Variants in ESRRB observed in about 807,000 individuals in gnomAD.
ESRRB encodes the protein estrogen related receptor beta.
Under a neutral mutation model 46.0 loss-of-function variants are expected in ESRRB, and 16 were observed. That is an observed-to-expected ratio of 0.35 (90% CI 0.24 to 0.53). The LOEUF is 0.53. Ranked by LOEUF, ESRRB falls within the 20% of genes least tolerant of loss-of-function variation. The pLI, the probability that ESRRB is intolerant of heterozygous loss-of-function variation, is 0.93. For synonymous variants in ESRRB, 246 were observed against 259.6 expected (o/e 0.95, Z 0.50); for missense variants, 488 against 607.4 (o/e 0.80, Z 2.07).
At chr14:76,451,841 C>T (rs1888395415) in intron 2 of ESRRB, among the ~76,000 whole-genome samples, 1 of 144,804 alleles carries the variant, frequency 6.9e-6, no homozygotes. Context: ...CTGTGTTGGC[C>T]AGGCTGATCT....
chr14:76,409,602 G>T (rs1639654839), intron 1 of ESRRB, among the ~76,000 whole-genome samples: 1 of 137,362 alleles, frequency 7.3e-6, no homozygotes, highest in African/African-American at 2.6e-5. Flanking sequence ...GTGGGCTTTT[G>T]CATGTGGGGT....
intron 3 of ESRRB, among the ~76,000 whole-genome samples, chr14:76,472,489 CTT>C (rs1566605235): frequency 6.6e-6 from 1 of 152,224 alleles, no homozygotes; most frequent in Non-Finnish European, 1.5e-5. Flanking sequence ...GGCTCTCTCT[CTT>C]AGCTTTTAGG....
At chr14:76,471,646 G>A (rs1001449437) in intron 3 of ESRRB, among the ~76,000 whole-genome samples, 2 of 152,024 alleles carry the variant, frequency 1.3e-5, no homozygotes, top group Non-Finnish European at 2.9e-5. Flanking sequence ...TTATCCTTCC[G>A]ACCTCAAGTT....
intron 1 of ESRRB, among the ~76,000 whole-genome samples, chr14:76,410,025 A>T (rs1188078449): frequency 6.6e-6 from 1 of 152,094 alleles, no homozygotes; most frequent in Non-Finnish European, 1.5e-5. Context: ...GGAGTTTGAG[A>T]CCACCCTGGC....
At chr14:76,465,274 G>C (rs879685863) in intron 3 of ESRRB, among the ~76,000 whole-genome samples, 3 of 152,138 alleles carry the variant, frequency 2.0e-5, no homozygotes, top group Admixed American at 6.5e-5. Flanking sequence ...CCATGGCACA[G>C]CACAGGGATG....
intron 1 of ESRRB, among the ~76,000 whole-genome samples, chr14:76,355,468 C>T (rs925260055): frequency 1.3e-5 from 2 of 152,152 alleles, no homozygotes; most frequent in Non-Finnish European, 2.9e-5. Context: ...CACGTCCCCA[C>T]AGTACTCCAT....
intron 3 of ESRRB, among the ~76,000 whole-genome samples, chr14:76,479,250 C>CGTGCGT (rs937784581): frequency 8.6e-5 from 13 of 151,680 alleles, no homozygotes; most frequent in East Asian, 1.9e-4. Flanking sequence ...TGCATGCGTG[C>CGTGCGT]GTGTGTGTGT....
At chr14:76,321,977 A>C (rs1227460607) in intron 1 of ESRRB, among the ~76,000 whole-genome samples, 1 of 152,212 alleles carries the variant, frequency 6.6e-6, no homozygotes, top group African/African-American at 2.4e-5. Context: ...CCCAGGCAGC[A>C]AATAGTACCA....
At chr14:76,371,167 C>T (rs914302921), upstream of ESRRB, among the ~76,000 whole-genome samples, 4 of 152,280 alleles carry the variant, frequency 2.6e-5, no homozygotes, top group Non-Finnish European at 5.9e-5. Context: ...ATCATGTTTC[C>T]GCAGCATTTA....
chr14:76,369,478 T>C (rs1255322431), upstream of ESRRB, among the ~76,000 whole-genome samples: 1 of 151,984 alleles, frequency 6.6e-6, no homozygotes, highest in African/African-American at 2.4e-5. Context: ...CTCGCCATGT[T>C]GCCCAGGGTG....
At chr14:76,359,067 T>G (rs1884433042) in intron 1 of ESRRB, among the ~76,000 whole-genome samples, 1 of 152,234 alleles carries the variant, frequency 6.6e-6, no homozygotes, top group Non-Finnish European at 1.5e-5. Context: ...CCAAGCATGT[T>G]GGTAGGGGAA....
chr14:76,407,611 G>A, intron 1 of ESRRB: 2 of 985,878 alleles, frequency 2.0e-6, no homozygotes, highest in Non-Finnish European at 2.4e-6. Flanking sequence ...GTTGGGTCCA[G>A]TCGGGCCAGC....
chr14:76,332,798 AATATATTTATATATT>A (rs1884047457), intron 1 of ESRRB, among the ~76,000 whole-genome samples: 1 of 9,326 alleles, frequency 1.1e-4, no homozygotes, highest in Non-Finnish European at 1.8e-4. Context: ...ATAAATATAT[AATATATTTATATATT>A]ATATATTTAT....
chr14:76,346,341 A>G (rs183421989), intron 1 of ESRRB, among the ~76,000 whole-genome samples: 26 of 152,258 alleles, frequency 1.7e-4, no homozygotes, highest in Non-Finnish European at 3.1e-4. Flanking sequence ...AACCCCTCTG[A>G]TCGGCTGAGA....
intron 5 of ESRRB, among the ~76,000 whole-genome samples, chr14:76,484,369 G>C (rs1318002283): frequency 1.3e-5 from 2 of 152,076 alleles, no homozygotes; most frequent in Non-Finnish European, 2.9e-5. Flanking sequence ...AACCTCTCGG[G>C]GATTACACAC....
At chr14:76,445,636 T>C (rs1888112006) in intron 2 of ESRRB, among the ~76,000 whole-genome samples, 2 of 151,892 alleles carry the variant, frequency 1.3e-5, no homozygotes, top group South Asian at 2.1e-4. Context: ...GATGTCATGA[T>C]AGATTTAGGG....
At chr14:76,316,929 T>C (rs983121920) in intron 1 of ESRRB, among the ~76,000 whole-genome samples, 2 of 152,212 alleles carry the variant, frequency 1.3e-5, no homozygotes, top group Non-Finnish European at 2.9e-5. Flanking sequence ...GAGCCATACC[T>C]GCTTCCTCTA....
intron 1 of ESRRB, among the ~76,000 whole-genome samples, chr14:76,330,495 G>A (rs1367554575): frequency 6.6e-6 from 1 of 152,228 alleles, no homozygotes; most frequent in African/African-American, 2.4e-5. Flanking sequence ...AGGCCATCAT[G>A]GCCGCTGGCC....
At chr14:76,439,949 A>G (rs1334891555) in intron 2 of ESRRB, among the ~76,000 whole-genome samples, 199 bp downstream of exon 2, 1 of 152,128 alleles carries the variant, frequency 6.6e-6, no homozygotes, top group Non-Finnish European at 1.5e-5. Flanking sequence ...TGTTGAGATG[A>G]CACGCGTTCC....
Sources: allele counts gnomAD v4.1 joint callset (sites outside exome capture counted in the v4.1 genomes callset), GRCh38; gene constraint gnomAD v4.1.1; transcripts MANE v1.5; gene names NCBI Gene and HGNC (gene_info 2026-07-23, HGNC 2026-07-21).